Variants in STK32B observed in about 807,000 individuals in gnomAD.
STK32B encodes the protein serine/threonine kinase 32B.
STK32B carries 43 observed loss-of-function variants against 52.6 expected under a neutral mutation model. That is an observed-to-expected ratio of 0.82 (90% confidence interval 0.64 to 1.05). The LOEUF (loss-of-function observed/expected upper bound fraction) is 1.05, where lower values mean the gene tolerates loss of function less well. Ranked by LOEUF, STK32B falls within the 50% of genes least tolerant of loss-of-function variation. STK32B has a pLI of 0.00. For synonymous variants in STK32B, 238 were observed against 204.3 expected, an observed-to-expected ratio of 1.17 and a Z score of -1.41; for missense variants, 621 against 534.6, an observed-to-expected ratio of 1.16 and a Z score of -1.59.
intron 2 of STK32B, among the ~76,000 whole-genome samples, chr4:5,155,472 T>C (rs968465781): frequency 6.6e-6 from 1 of 152,164 alleles, no homozygotes; most frequent in African/African-American, 2.4e-5. Flanking sequence ...TACATATACC[T>C]ACCTATCATG....
At chr4:5,323,021 G>A (rs1731619486) in intron 3 of STK32B, among the ~76,000 whole-genome samples, 1 of 152,138 alleles carries the variant, frequency 6.6e-6, no homozygotes, top group African/African-American at 2.4e-5. Flanking sequence ...TCCTCCATTG[G>A]GCAATTGAGG....
chr4:5,300,964 C>T (rs1046002131), intron 3 of STK32B, among the ~76,000 whole-genome samples: 1 of 151,968 alleles, frequency 6.6e-6, no homozygotes, highest in Non-Finnish European at 1.5e-5. Flanking sequence ...TCCTTCTATT[C>T]CTAGTTTGTT....
rs932025899 is a variant in STK32B at position 5,400,990 on chromosome 4, G to A, written c.472+2746G>A. On this transcript the variant is annotated intron_variant, in intron 5 of 11. Coordinates refer to ENST00000282908, the MANE Select transcript of STK32B (RefSeq NM_018401.3). The surrounding 1 kb of genome is among the most constrained non-coding windows in gnomAD (Gnocchi z 6.1). ...GTGCGGGGTTGTCTTAGAGGCAGCC[G>A]CATGACAGTGGGATCCTGAAGGCAT... 2.0e-5 allele frequency among the ~76,000 whole-genome samples: 3 copies of A among 152,138 alleles called. No homozygotes were observed. The highest frequency in any genetic ancestry group is 1.3e-4 in the Admixed American group (2 of 15,282).
chr4:5,153,744 GTCTC>G (rs1424505258), intron 2 of STK32B, among the ~76,000 whole-genome samples: 4 of 152,074 alleles, frequency 2.6e-5, no homozygotes, highest in Non-Finnish European at 5.9e-5. Flanking sequence ...AAACAGAACT[GTCTC>G]TATTCACAGA....
rs1719279854 is a variant in STK32B, at chr4:5,170,486, A to T, written c.260+2036A>T. Among the ~76,000 whole-genome samples the T allele has an allele frequency of 2.7e-5, 4 of 148,678 alleles. No individual in the cohort carries two copies. The South Asian group carries it at 6.5e-4, about 24-fold the overall frequency. ...CCCCCCACCCCACAACAGTCTCTGG[A>T]GTGTGATGTTCCCCTTCCTGTGTCC... On this transcript the variant is annotated intron_variant, in intron 3 of 11. Transcript: ENST00000282908.
intron 2 of STK32B, among the ~76,000 whole-genome samples, chr4:5,163,319 G>A (rs1417174710): frequency 3.9e-5 from 6 of 152,126 alleles, no homozygotes; most frequent in Admixed American, 3.3e-4. Flanking sequence ...GATAAAAACG[G>A]GGATTTATAA....
intron 1 of STK32B, among the ~76,000 whole-genome samples, chr4:5,115,302 A>G (rs973047376): frequency 6.6e-6 from 1 of 152,154 alleles, no homozygotes; most frequent in East Asian, 1.9e-4. Context: ...CCCAGTTCTA[A>G]TCTCTGCATC....
chr4:5,196,774 T>C (rs1721714694), intron 3 of STK32B, among the ~76,000 whole-genome samples: 1 of 143,112 alleles, frequency 7.0e-6, no homozygotes, highest in Admixed American at 7.0e-5. Context: ...AGATAAATAT[T>C]ACTACTAGTG....
At chr4:5,192,062 C>G (rs1294823739) in intron 3 of STK32B, among the ~76,000 whole-genome samples, 8 of 152,172 alleles carry the variant, frequency 5.3e-5, no homozygotes, top group African/African-American at 1.9e-4. Flanking sequence ...GAGTGAACAT[C>G]CATTGCCAGG....
At chr4:5,136,301 G>A (rs1372392986) in intron 1 of STK32B, among the ~76,000 whole-genome samples, 1 of 152,206 alleles carries the variant, frequency 6.6e-6, no homozygotes, top group Non-Finnish European at 1.5e-5. Flanking sequence ...TTTTTGGCAA[G>A]GACACTGACA....
intron 1 of STK32B, among the ~76,000 whole-genome samples, chr4:5,100,055 T>G (rs1713640552): frequency 6.6e-6 from 1 of 150,816 alleles, no homozygotes; most frequent in African/African-American, 2.4e-5. Context: ...TCTCCATTTG[T>G]AACCTCTGAA....
intron 1 of STK32B, among the ~76,000 whole-genome samples, chr4:5,090,485 C>T (rs1713016247): frequency 6.7e-6 from 1 of 150,334 alleles, no homozygotes. Flanking sequence ...ACGCCGTTCT[C>T]CTGCCTCAGC....
chr4:5,029,383 C>T, the STK32B span, among the ~76,000 whole-genome samples: 5 of 152,262 alleles, frequency 3.3e-5, no homozygotes, highest in African/African-American at 7.2e-5. Flanking sequence ...TGGGAGCAGA[C>T]GAGGGAGTCA....
chr4:5,227,794 A>AT (rs1469765884), intron 3 of STK32B, among the ~76,000 whole-genome samples: 4 of 152,168 alleles, frequency 2.6e-5, no homozygotes, highest in African/African-American at 9.7e-5. Flanking sequence ...AAATTCAGTA[A>AT]TTTTTTATCC....
intron 4 of STK32B, among the ~76,000 whole-genome samples, chr4:5,361,222 A>G (rs148965223): frequency 9.5e-4 from 145 of 152,340 alleles, no homozygotes; most frequent in African/African-American, 2.6e-3. Context: ...TCGTTGGTCA[A>G]TGGACACTTG....
chr4:5,464,118 G>A (rs1232115650), intron 9 of STK32B, among the ~76,000 whole-genome samples: 6 of 152,088 alleles, frequency 3.9e-5, no homozygotes, highest in African/African-American at 1.4e-4. Flanking sequence ...GGGGTGGGGG[G>A]TGCCACACGC....
intron 3 of STK32B, among the ~76,000 whole-genome samples, chr4:5,173,628 T>C (rs189411748): frequency 2.0e-5 from 3 of 152,248 alleles, no homozygotes; most frequent in Non-Finnish European, 4.4e-5. Flanking sequence ...GTGAGTTTCT[T>C]AATCCTGAGT....
chr4:5,156,793 G>A (rs1214895541), intron 2 of STK32B, among the ~76,000 whole-genome samples: 1 of 152,192 alleles, frequency 6.6e-6, no homozygotes, highest in Non-Finnish European at 1.5e-5. Context: ...TATGATAATA[G>A]CTCTTTATGC....
intron 6 of STK32B, among the ~76,000 whole-genome samples, chr4:5,440,072 G>C (rs866171852): frequency 5.6e-4 from 85 of 152,070 alleles, no homozygotes; most frequent in Middle Eastern, 3.4e-3. Context: ...GCTTAGGATT[G>C]ACTTGGCGAT....
Sources: allele counts gnomAD v4.1 joint callset (sites outside exome capture counted in the v4.1 genomes callset), GRCh38; gene constraint gnomAD v4.1.1; non-coding constraint Gnocchi (gnomAD v3.1); transcripts MANE v1.5; gene names NCBI Gene and HGNC (gene_info 2026-07-23, HGNC 2026-07-21).